Variants in ATOX1 observed in about 807,000 individuals in gnomAD.
ATOX1 encodes the protein antioxidant 1 copper chaperone.
ATOX1 carries 4 observed loss-of-function variants against 7.3 expected under a neutral mutation model. The observed-to-expected ratio is 0.55, with a 90% CI of 0.27 to 1.25. The LOEUF (loss-of-function observed/expected upper bound fraction) is 1.25. ATOX1 is among the 50% of genes most tolerant of loss of function. The pLI, the probability that ATOX1 is intolerant of heterozygous loss-of-function variation, is 0.12. For synonymous variants in ATOX1, 25 were observed against 28.7 expected (o/e 0.87, Z 0.41); for missense variants, 68 against 81.6 (o/e 0.83, Z 0.64).
chr5:151,746,593 C>T, intron 2 of ATOX1, 144 bp from the exon 3 acceptor site: 2 of 1,073,372 alleles, frequency 1.9e-6, no homozygotes, highest in South Asian at 1.5e-5. Flanking sequence ...TCTTCTGTAA[C>T]AGGCCAGAAA....
chr5:151,751,847 A>AG, intron 1 of ATOX1, 68 bp from the exon 2 acceptor site: 1 of 1,475,508 alleles, frequency 6.8e-7, no homozygotes, highest in South Asian at 1.2e-5. Flanking sequence ...GCCAGCAGAC[A>AG]GGCCCACTCA....
At chr5:151,747,079 T>C (rs1761887494) in intron 2 of ATOX1, among the ~76,000 whole-genome samples, 1 of 151,844 alleles carries the variant, frequency 6.6e-6, no homozygotes, top group Non-Finnish European at 1.5e-5. Flanking sequence ...CTTTTTTTTT[T>C]TTTTTCAAAA....
chr5:151,756,649 T>A (rs772676197), intron 1 of ATOX1, among the ~76,000 whole-genome samples: 13 of 152,128 alleles, frequency 8.5e-5, no homozygotes, highest in Non-Finnish European at 1.9e-4. Context: ...ATTTTTTGTA[T>A]TTTTTGTAGA....
In ATOX1 at chr5:151,745,969, G is replaced by T. The variant is rs554145945; in HGVS notation, c.*46+310C>A. 10 of 221,688 alleles carry T rather than the reference G, an allele frequency of 4.5e-5. No homozygotes were observed. The South Asian group carries it at 5.3e-4, about 12-fold the overall frequency. 13.7% of individuals were successfully genotyped at this position (221,688 alleles called of 1,614,324 possible). A position where few individuals can be genotyped will look rare whatever the true frequency, so the allele number is the denominator to read the frequency against. ...CAAATAAAGAAGTCAAAGGTGCACTGCTTAGGGTCACATACTGTAAACTTA... is the reference window on the plus strand; with the variant it reads ...CAAATAAAGAAGTCAAAGGTGCACTTCTTAGGGTCACATACTGTAAACTTA... On this transcript the variant is annotated intron_variant, in intron 3 of 3. Coordinates refer to ENST00000313115, the MANE Select transcript of ATOX1 (RefSeq NM_004045.4).
At chr5:151,748,765 G>T (rs1331828181) in intron 2 of ATOX1, among the ~76,000 whole-genome samples, 1 of 152,114 alleles carries the variant, frequency 6.6e-6, no homozygotes, top group Non-Finnish European at 1.5e-5. Flanking sequence ...GGAGGCTGGG[G>T]CAGGAGAATC....
Position 151,757,516 on chromosome 5 carries a change from C to G in ATOX1, c.6+1030G>C, listed in dbSNP as rs28917171. ...GATGTCAGTGGCTCTGCCCAGGAGG[C>G]CTCAGGCTCACCTGCCAGCTCCCTA... is the stretch of plus-strand genomic sequence containing the variant. On this transcript the variant is annotated intron_variant, in intron 1 of 3. Coordinates refer to ENST00000313115, the MANE Select transcript of ATOX1 (RefSeq NM_004045.4). 7.8e-3 allele frequency among the ~76,000 whole-genome samples: 1,188 copies of G among 152,328 alleles called. 19 individuals are homozygous for G. The highest frequency in any genetic ancestry group is 0.027 in the African/African-American group (1,124 of 41,556).
At chr5:151,752,751 GATC>G (rs1168703150) in intron 1 of ATOX1, among the ~76,000 whole-genome samples, 2 of 152,264 alleles carry the variant, frequency 1.3e-5, no homozygotes, top group African/African-American at 4.8e-5. Flanking sequence ...CTAGTTGCAT[GATC>G]ATCAATATGT....
chr5:151,755,609 T>C (rs1762004946), intron 1 of ATOX1, among the ~76,000 whole-genome samples: 1 of 152,186 alleles, frequency 6.6e-6, no homozygotes, highest in Admixed American at 6.5e-5. Context: ...TTTCTGTCGC[T>C]GACTACAGGG....
At chr5:151,744,332 G>A (rs1333877417) in intron 3 of ATOX1, 2 of 152,184 alleles carry the variant, frequency 1.3e-5, no homozygotes, top group African/African-American at 4.8e-5. Context: ...AAGCTTGCAG[G>A]AGTTATTTAT....
chr5:151,753,779 C>A (rs1398743015), intron 1 of ATOX1: 1 of 152,174 alleles, frequency 6.6e-6, no homozygotes, highest in African/African-American at 2.4e-5. Context: ...CCATTTTTAA[C>A]CTACTGGGGA....
rs1561520797 is a variant in ATOX1 at position 151,746,414 on chromosome 5, C to G, written c.118G>C (p.Val40Leu). The G allele has an allele frequency of 1.9e-6, 3 of 1,613,930 alleles. No individual in the cohort carries two copies. The highest frequency in any genetic ancestry group is 1.7e-6 in the Non-Finnish European group (2 of 1,179,832). ...KYDIDLPNKKVCIESEHSMDT... is the reference protein window; with the variant it reads ...KYDIDLPNKKLCIESEHSMDT... Reference sequence around the variant, plus strand: ...ATGCTGTGCTCAGATTCAATGCAGACCTTCTTGTTGGGCAGGTCAATGTCA... The same window carrying G: ...ATGCTGTGCTCAGATTCAATGCAGAGCTTCTTGTTGGGCAGGTCAATGTCA... The change falls in exon 3 of 4, where the codon GTC becomes CTC. Residue 40 changes from valine (V) to leucine (L), a missense_variant. By Grantham distance (32) the Val-to-Leu change is conservative (BLOSUM62 1). Transcript: ENST00000313115.
At chr5:151,746,479 G>A in intron 2 of ATOX1, 30 bp from the exon 3 acceptor site, 1 of 1,612,698 alleles carries the variant, frequency 6.2e-7, no homozygotes, top group East Asian at 2.2e-5. Context: ...GGTATGGGGA[G>A]AGGAAGCACA....
chr5:151,752,503 G>A (rs1318655358), intron 1 of ATOX1: 4 of 627,212 alleles, frequency 6.4e-6, no homozygotes, highest in Non-Finnish European at 1.1e-5. Context: ...CCAGAAGACA[G>A]AGGTTTTGTT....
At chr5:151,753,692 G>T (rs987422832) in intron 1 of ATOX1, 1 of 152,138 alleles carries the variant, frequency 6.6e-6, no homozygotes, top group Non-Finnish European at 1.5e-5. Context: ...GAAGAATCTG[G>T]GGACCTTGTG....
At chr5:151,751,545 T>C (rs1202052831) in intron 2 of ATOX1, among the ~76,000 whole-genome samples, 159 bp downstream of exon 2, 1 of 152,180 alleles carries the variant, frequency 6.6e-6, no homozygotes, top group Non-Finnish European at 1.5e-5. Context: ...GTGATTCACA[T>C]AAGCCACTAA....
chr5:151,756,155 G>C (rs2113187775), intron 1 of ATOX1, among the ~76,000 whole-genome samples: 1 of 151,938 alleles, frequency 6.6e-6, no homozygotes, highest in African/African-American at 2.4e-5. Context: ...TGTTGGCCAG[G>C]CTGGTCTCAA....
intron 2 of ATOX1, 125 bp from the exon 3 acceptor site, chr5:151,746,574 C>T (rs113487729): frequency 0.011 from 14,804 of 1,292,908 alleles, 92 homozygotes; most frequent in Non-Finnish European, 0.013. Flanking sequence ...GAGCAGGGAT[C>T]GGCAAACTTC....
chr5:151,752,241 T>C (rs1761960945), intron 1 of ATOX1: 1 of 702,574 alleles, frequency 1.4e-6, no homozygotes, highest in African/African-American at 1.7e-5. Flanking sequence ...TTGCAAAAAC[T>C]ACAGGTTCTG....
chr5:151,757,082 C>T (rs1488660282), intron 1 of ATOX1, among the ~76,000 whole-genome samples: 1 of 152,204 alleles, frequency 6.6e-6, no homozygotes, highest in Non-Finnish European at 1.5e-5. Context: ...GTAACACACT[C>T]TTCCCCTTCC....
Sources: allele counts gnomAD v4.1 joint callset (sites outside exome capture counted in the v4.1 genomes callset), GRCh38; gene constraint gnomAD v4.1.1; transcripts MANE v1.5; gene names NCBI Gene and HGNC (gene_info 2026-07-23, HGNC 2026-07-21).